Variants in ERBB4 observed in about 807,000 individuals in gnomAD.
ERBB4 encodes the protein receptor tyrosine-protein kinase erbB-4.
In ERBB4, 42 loss-of-function variants were observed where a neutral mutation model predicts 158.0. The ratio of observed to expected loss-of-function variants is 0.27; its 90% CI spans 0.21 to 0.34. The LOEUF (loss-of-function observed/expected upper bound fraction) is 0.34. Among genes scored for constraint, ERBB4 ranks in the 10% least tolerant of loss-of-function variants. The pLI is 1.00. For synonymous variants in ERBB4, 583 were observed against 558.7 expected, an observed-to-expected ratio of 1.04 and a Z score of -0.61; for missense variants, 1,333 against 1,624.1, an observed-to-expected ratio of 0.82 and a Z score of 3.08.
intron 20 of ERBB4, among the ~76,000 whole-genome samples, chr2:211,494,710 C>T (rs2065427603): frequency 6.6e-6 from 1 of 152,086 alleles, no homozygotes; most frequent in African/African-American, 2.4e-5. Flanking sequence ...TGTGAGTTTT[C>T]AATCACTTGT....
chr2:211,751,502 T>C (rs756641116), intron 4 of ERBB4, among the ~76,000 whole-genome samples: 4 of 152,208 alleles, frequency 2.6e-5, no homozygotes, highest in African/African-American at 7.2e-5. Context: ...GAATAAAATA[T>C]AGATGTTAAA....
At chr2:212,022,553 G>A (rs1357456612) in intron 2 of ERBB4, among the ~76,000 whole-genome samples, 1 of 152,012 alleles carries the variant, frequency 6.6e-6, no homozygotes, top group Admixed American at 6.6e-5. Context: ...AGTGGGGAGA[G>A]CATCAGGAAA....
intron 2 of ERBB4, among the ~76,000 whole-genome samples, chr2:212,097,609 C>T (rs746211478): frequency 9.9e-5 from 15 of 152,074 alleles, no homozygotes; most frequent in Non-Finnish European, 1.8e-4. Context: ...ATGAAATATA[C>T]CATACTATCA....
At chr2:211,886,665 T>C (rs973852971) in intron 3 of ERBB4, among the ~76,000 whole-genome samples, 3 of 152,184 alleles carry the variant, frequency 2.0e-5, no homozygotes, top group Non-Finnish European at 4.4e-5. Flanking sequence ...TATGCTGTAA[T>C]TATATTTTCT....
At chr2:211,725,454 T>C (rs570489748) in intron 5 of ERBB4, among the ~76,000 whole-genome samples, 1 of 151,868 alleles carries the variant, frequency 6.6e-6, no homozygotes, top group South Asian at 2.1e-4. Context: ...CAAGAAAGAA[T>C]CCAATTTGAA....
At chr2:212,466,737 G>A (rs979197476) in intron 1 of ERBB4, among the ~76,000 whole-genome samples, 1 of 152,176 alleles carries the variant, frequency 6.6e-6, no homozygotes, top group Admixed American at 6.5e-5. Context: ...GTAGAGTGGG[G>A]CACTGCAGAA....
At chr2:212,485,535 G>A (rs1689926361) in intron 1 of ERBB4, among the ~76,000 whole-genome samples, 1 of 152,204 alleles carries the variant, frequency 6.6e-6, no homozygotes, top group Non-Finnish European at 1.5e-5. Flanking sequence ...GCAGCAGTAA[G>A]TGAAGACAGC....
chr2:212,301,998 T>A (rs573249231), intron 1 of ERBB4, among the ~76,000 whole-genome samples: 24 of 151,606 alleles, frequency 1.6e-4, no homozygotes, highest in Non-Finnish European at 8.9e-5. Flanking sequence ...TAAGACATAC[T>A]TGACCAATAC....
chr2:211,459,732 C>T, intron 20 of ERBB4, among the ~76,000 whole-genome samples: 1 of 152,112 alleles, frequency 6.6e-6, no homozygotes, highest in East Asian at 1.9e-4. Flanking sequence ...ATCCATTAAA[C>T]CTCTTTTTCT....
chr2:212,379,242 CATT>C (rs1036238015), intron 1 of ERBB4, among the ~76,000 whole-genome samples: 2 of 151,688 alleles, frequency 1.3e-5, no homozygotes, highest in Non-Finnish European at 3.0e-5. Context: ...TCCTCAAAGT[CATT>C]ATTAAGTTAT....
chr2:211,877,880 G>A (rs2078551435), intron 3 of ERBB4, among the ~76,000 whole-genome samples: 1 of 152,172 alleles, frequency 6.6e-6, no homozygotes, highest in Non-Finnish European at 1.5e-5. Flanking sequence ...GGCCGAGGCG[G>A]GCGGGTCACC....
chr2:211,520,443 G>A (rs564323411), intron 20 of ERBB4, among the ~76,000 whole-genome samples: 24 of 152,108 alleles, frequency 1.6e-4, no homozygotes, highest in Non-Finnish European at 2.8e-4. Context: ...AATCTAGCCC[G>A]TGGCCTGTTC....
intron 25 of ERBB4, among the ~76,000 whole-genome samples, chr2:211,407,561 T>A (rs544224075): frequency 1.9e-4 from 29 of 152,214 alleles, no homozygotes; most frequent in Admixed American, 5.2e-4. Flanking sequence ...TTACTGTACT[T>A]CTTTCATCAT....
chr2:211,657,008 T>C (rs574151170), intron 16 of ERBB4, among the ~76,000 whole-genome samples: 32 of 152,332 alleles, frequency 2.1e-4, no homozygotes, highest in Admixed American at 1.8e-3. Context: ...ATATTTTCTA[T>C]ATTGCCTTTA....
intron 3 of ERBB4, among the ~76,000 whole-genome samples, chr2:211,840,166 G>A (rs75948305): frequency 2.0e-5 from 3 of 151,892 alleles, no homozygotes; most frequent in Admixed American, 6.6e-5. Flanking sequence ...GAATCATGGC[G>A]TGGGTCTTTC....
intron 2 of ERBB4, among the ~76,000 whole-genome samples, chr2:211,977,233 C>T (rs1249944540): frequency 6.6e-6 from 1 of 152,024 alleles, no homozygotes; most frequent in Non-Finnish European, 1.5e-5. Context: ...ATGATTTGCA[C>T]CCTCAACACA....
intron 3 of ERBB4, among the ~76,000 whole-genome samples, chr2:211,897,897 C>T (rs948758274): frequency 1.3e-5 from 2 of 152,102 alleles, no homozygotes; most frequent in East Asian, 3.9e-4. Flanking sequence ...GCTGGGACTA[C>T]AGGCACACAC....
chr2:212,169,531 A>G (rs138067232), intron 1 of ERBB4, among the ~76,000 whole-genome samples: 1 of 152,286 alleles, frequency 6.6e-6, no homozygotes, highest in African/African-American at 2.4e-5. Flanking sequence ...TAAAGACTTA[A>G]ATGTAAAATC....
chr2:211,560,341 C>A (rs2067356817), intron 20 of ERBB4, among the ~76,000 whole-genome samples: 1 of 119,090 alleles, frequency 8.4e-6, no homozygotes, highest in African/African-American at 3.2e-5. Flanking sequence ...GTGGTGTGAT[C>A]TCGGCTCACC....
Sources: gnomAD v4.1 joint callset for allele counts (sites outside exome capture counted in the v4.1 genomes callset) on GRCh38, gnomAD v4.1.1 for gene constraint, MANE v1.5 for transcripts, NCBI Gene and HGNC (gene_info 2026-07-23, HGNC 2026-07-21) for gene names.